The following EGFL7 variants were observed in gnomAD, a reference collection of about 807,000 sequenced individuals.
EGFL7 encodes the protein epidermal growth factor-like protein 7.
EGFL7 carries 48 observed loss-of-function variants against 37.1 expected under a neutral mutation model. That is an observed-to-expected ratio of 1.29 (90% CI 1.03 to 1.65). EGFL7 has a LOEUF of 1.65. Among genes scored for constraint, EGFL7 ranks in the 40% most tolerant of loss-of-function variants. The pLI is 0.00. For missense variants in EGFL7, 384 were observed against 378.9 expected (o/e 1.01, Z -0.11); for synonymous variants, 180 against 156.8 (o/e 1.15, Z -1.10).
At chr9:136,668,393 G>A (rs1845613463) in intron 4 of EGFL7, 31 bp downstream of exon 4, 1 of 1,557,008 alleles carries the variant, frequency 6.4e-7, no homozygotes, top group Non-Finnish European at 8.7e-7. Context: ...GGAGTGCTGG[G>A]GTGGGGGGAC....
At chr9:136,661,033 G>A (rs1845114630), upstream of EGFL7, among the ~76,000 whole-genome samples, 1 of 152,146 alleles carries the variant, frequency 6.6e-6, no homozygotes, top group Non-Finnish European at 1.5e-5. Flanking sequence ...TGCAGGCAGA[G>A]GGCAAGAGGG....
In EGFL7 at chr9:136,672,328, C is replaced by T; in HGVS notation, c.*42C>T. ...GCTGGACTGAGCCCCTCACGCCGCCCTGCAGCCCCCATGCCCCTGCCCAAC... is the reference window on the plus strand; with the variant it reads ...GCTGGACTGAGCCCCTCACGCCGCCTTGCAGCCCCCATGCCCCTGCCCAAC... On this transcript the variant is annotated 3_prime_UTR_variant, in exon 11 of 11. Coordinates refer to ENST00000308874, the MANE Select transcript of EGFL7 (RefSeq NM_016215.5). The T allele has an allele frequency of 6.2e-7, 1 of 1,612,636 alleles. No homozygotes were observed. The highest frequency in any genetic ancestry group is 8.5e-7 in the Non-Finnish European group (1 of 1,179,676).
At chr9:136,670,521 A>C (rs566983645) in intron 8 of EGFL7, 191 bp downstream of exon 8, 25 of 836,180 alleles carry the variant, frequency 3.0e-5, no homozygotes, top group African/African-American at 1.3e-4. Context: ...CCGGAGCCTC[A>C]TATCAGCCAA....
At position 136,666,228 on chromosome 9, in the gene EGFL7, G is replaced by A. The variant is rs1330582088; in HGVS notation, c.-43+1443G>A. Among the ~76,000 whole-genome samples the A allele has an allele frequency of 1.3e-5, 2 of 151,500 alleles. No homozygotes were observed. The highest frequency in any genetic ancestry group is 2.4e-5 in the African/African-American group (1 of 41,486). On this transcript the variant is annotated intron_variant, in intron 3 of 10. Transcript: ENST00000308874. The surrounding 1 kb of genome is among the most constrained non-coding windows in gnomAD (Gnocchi z 6.8). Reference sequence around the variant, plus strand: ...CTGGGAGGGGGCGGCGGGCAGGTCCGTCTCGCTCCGCCTCTGCGCCCTCCC... The same window carrying A: ...CTGGGAGGGGGCGGCGGGCAGGTCCATCTCGCTCCGCCTCTGCGCCCTCCC...
chr9:136,665,072 TCTGGGGGC>T (rs1460653812), intron 3 of EGFL7, among the ~76,000 whole-genome samples: 1 of 152,214 alleles, frequency 6.6e-6, no homozygotes, highest in Non-Finnish European at 1.5e-5. Flanking sequence ...GAGGAGACTC[TCTGGGGGC>T]CTGTGGATTC....
rs760958942 is a variant in EGFL7, at chr9:136,670,602, C to T, written c.571+272C>T. On this transcript the variant is annotated intron_variant, in intron 8 of 10. Transcript: ENST00000308874. ...AGCATTCTGGAAGACGCCACGCCTC[C>T]GCTGGCGACGGGACATTATTACTTT... 2.2e-5 allele frequency: 17 copies of T among 774,924 alleles called. No homozygotes were observed. The East Asian group carries it at 3.2e-4, about 15-fold the overall frequency. The allele number at this position is 774,924 out of a possible 1,614,324, so 48.0% of individuals were successfully genotyped here.
intron 8 of EGFL7, 137 bp downstream of exon 8, chr9:136,670,467 G>A (rs1845775489): frequency 5.2e-6 from 6 of 1,146,832 alleles, no homozygotes; most frequent in Non-Finnish European, 6.3e-6. Flanking sequence ...AGGGAGGATG[G>A]GGAGGGAGGA....
In EGFL7 at chr9:136,672,552, C is replaced by T. The variant is rs888446320; in HGVS notation, c.*266C>T. 83 of 589,472 alleles carry T rather than the reference C, an allele frequency of 1.4e-4. 1 individual carries two copies. Among genetic ancestry groups the T allele is most frequent in the African/African-American group, 1.1e-3 (60 of 53,664 alleles). 36.5% of individuals were successfully genotyped at this position (589,472 alleles called of 1,614,324 possible). ...ATCCCAAGGCCAGGTGGGCCCTCAGCTGAGGGAAGGTACGAGCTCCCTGCT... is the reference window on the plus strand; with the variant it reads ...ATCCCAAGGCCAGGTGGGCCCTCAGTTGAGGGAAGGTACGAGCTCCCTGCT... On this transcript the variant is annotated 3_prime_UTR_variant, in exon 11 of 11. Coordinates refer to ENST00000308874, the MANE Select transcript of EGFL7 (RefSeq NM_016215.5).
At position 136,672,212 on chromosome 9, in the gene EGFL7, G is replaced by A. The variant is rs1004021571; in HGVS notation, c.800-52G>A. On this transcript the variant is annotated intron_variant, in intron 10 of 10. Coordinates refer to ENST00000308874, the MANE Select transcript of EGFL7 (RefSeq NM_016215.5). Reference sequence around the variant, plus strand: ...AGGGGCCAGTCAGATCTAGCTGGGCGGGGAGGCTGTGGGGAGCAGTGATCT... The same window carrying A: ...AGGGGCCAGTCAGATCTAGCTGGGCAGGGAGGCTGTGGGGAGCAGTGATCT... 27 of 1,612,816 alleles carry A rather than the reference G, an allele frequency of 1.7e-5. No individual in the cohort carries two copies. The Admixed American group carries it at 2.2e-4, about 13-fold the overall frequency.
At chr9:136,669,563 G>A (rs1187150588) in intron 5 of EGFL7, 43 bp from the exon 6 acceptor site, 2 of 1,460,360 alleles carry the variant, frequency 1.4e-6, no homozygotes, top group Admixed American at 1.8e-5. Context: ...GGTGACTAAG[G>A]GGGAGTAGGA....
In EGFL7 at chr9:136,668,350, C is replaced by A. The variant is rs1451243407; in HGVS notation, c.68C>A (p.Ala23Asp). The A allele has an allele frequency of 1.2e-6, 2 of 1,600,874 alleles. No homozygotes were observed. The highest frequency in any genetic ancestry group is 2.7e-5 in the African/African-American group (2 of 74,842). The change falls in exon 4 of 11, where the codon GCC (alanine) becomes GAC (aspartate). Residue 23 changes from alanine to aspartate, a missense_variant. Coordinates refer to ENST00000308874, the MANE Select transcript of EGFL7 (RefSeq NM_016215.5). Reference protein sequence around the residue: ...LVLAVGGTEHAYRPGRRVCAV... With the variant: ...LVLAVGGTEHDYRPGRRVCAV... ...TTGGCAGTGGGCGGCACAGAGCACGCCTACCGGCCCGGGTGAGCCAAGCCC... is the reference window on the plus strand; with the variant it reads ...TTGGCAGTGGGCGGCACAGAGCACGACTACCGGCCCGGGTGAGCCAAGCCC...
At chr9:136,661,224 T>C (rs1845125845), upstream of EGFL7, among the ~76,000 whole-genome samples, 1 of 152,162 alleles carries the variant, frequency 6.6e-6, no homozygotes, top group Non-Finnish European at 1.5e-5. Flanking sequence ...CTCCTGGCAC[T>C]GGACTCCTGG....
chr9:136,669,497 G>T, intron 5 of EGFL7, 109 bp from the exon 6 acceptor site: 1 of 762,428 alleles, frequency 1.3e-6, no homozygotes, highest in Non-Finnish European at 2.2e-6. Flanking sequence ...GAAGACCCTT[G>T]GGGGCATGCT....
intron 9 of EGFL7, among the ~76,000 whole-genome samples, chr9:136,671,264 A>G (rs1468016107): frequency 2.2e-5 from 1 of 46,430 alleles, no homozygotes; most frequent in Non-Finnish European, 4.1e-5. Context: ...GACCTGCTGG[A>G]GGAGATGAGG....
upstream of EGFL7, among the ~76,000 whole-genome samples, chr9:136,660,870 G>C (rs1401019391): frequency 6.6e-6 from 1 of 152,298 alleles, no homozygotes; most frequent in East Asian, 1.9e-4. Context: ...GGCTCACCTG[G>C]GCCGGTCACT....
intron 8 of EGFL7, chr9:136,670,542 G>A: frequency 1.2e-6 from 1 of 804,118 alleles, no homozygotes; most frequent in East Asian, 2.5e-5. Flanking sequence ...GAAGGCAGAA[G>A]TGCCCCGTCC....
intron 10 of EGFL7, 61 bp downstream of exon 10, chr9:136,672,149 G>T: frequency 6.3e-7 from 1 of 1,577,476 alleles, no homozygotes; most frequent in African/African-American, 1.4e-5. Context: ...GCCTAGAGGG[G>T]CTACCCAGGC....
At position 136,666,018 on chromosome 9, in the gene EGFL7, C is replaced by G. The variant is rs1845448553; in HGVS notation, c.-43+1233C>G. Reference sequence around the variant, plus strand: ...GCGCCCGCGGCTGGGTCGGGCCGGGCCGGGAGAATGGGCCCAGCGGCCCCG... The same window carrying G: ...GCGCCCGCGGCTGGGTCGGGCCGGGGCGGGAGAATGGGCCCAGCGGCCCCG... On this transcript the variant is annotated intron_variant, in intron 3 of 10. Transcript: ENST00000308874. This position sits in a 1 kb window ranked among gnomAD's most constrained non-coding sequence, Gnocchi z 6.8. Among the ~76,000 whole-genome samples the G allele has an allele frequency of 6.8e-6, 1 of 145,988 alleles. No homozygotes were observed. The highest frequency in any genetic ancestry group is 1.5e-5 in the Non-Finnish European group (1 of 65,682).
At chr9:136,669,887 C>T in intron 6 of EGFL7, 27 bp from the exon 7 acceptor site, 1 of 1,554,542 alleles carries the variant, frequency 6.4e-7, no homozygotes, top group Non-Finnish European at 8.7e-7. Flanking sequence ...CCCAACTGAG[C>T]TGGTGACCAG....
Sources: allele counts gnomAD v4.1 joint callset (sites outside exome capture counted in the v4.1 genomes callset), GRCh38; gene constraint gnomAD v4.1.1; non-coding constraint Gnocchi (gnomAD v3.1); transcripts MANE v1.5; gene names NCBI Gene and HGNC (gene_info 2026-07-23, HGNC 2026-07-21).